Variants in TRIM33 observed in about 807,000 individuals in gnomAD.
The protein encoded by TRIM33 is tripartite motif containing 33.
A neutral mutation model predicts 125.4 loss-of-function variants in TRIM33; 20 were observed. The observed-to-expected ratio is 0.16, with a 90% CI of 0.11 to 0.23. The LOEUF is 0.23. TRIM33 is among the 10% of genes least tolerant of loss of function. TRIM33 has a pLI of 1.00. For missense variants in TRIM33, 920 were observed against 1,411.4 expected (o/e 0.65, Z 5.58); for synonymous variants, 564 against 513.9 (o/e 1.10, Z -1.32).
intron 11 of TRIM33, among the ~76,000 whole-genome samples, chr1:114,413,217 A>G (rs1463300764): frequency 1.3e-5 from 2 of 152,194 alleles, no homozygotes; most frequent in Admixed American, 6.5e-5. Flanking sequence ...ATGAAATGGA[A>G]TACCATATGG....
chr1:114,431,822 A>G (rs894741728), intron 5 of TRIM33, among the ~76,000 whole-genome samples: 1 of 152,162 alleles, frequency 6.6e-6, no homozygotes, highest in African/African-American at 2.4e-5. Flanking sequence ...TCCTTATCTT[A>G]CTAAGGTGAG....
intron 1 of TRIM33, among the ~76,000 whole-genome samples, chr1:114,494,158 C>T (rs749510487): frequency 2.6e-5 from 4 of 151,742 alleles, no homozygotes; most frequent in Non-Finnish European, 5.9e-5. Flanking sequence ...GACAGGGCCT[C>T]ACTATGTTGC....
At chr1:114,434,590 G>A (rs562327901) in intron 4 of TRIM33, among the ~76,000 whole-genome samples, 2 of 152,228 alleles carry the variant, frequency 1.3e-5, no homozygotes, top group East Asian at 3.9e-4. Context: ...TAGAATAATA[G>A]TTTTCTTTGC....
intron 1 of TRIM33, among the ~76,000 whole-genome samples, chr1:114,471,954 T>C (rs1224395180): frequency 6.6e-6 from 1 of 152,210 alleles, no homozygotes; most frequent in East Asian, 1.9e-4. Flanking sequence ...AAACCTGACC[T>C]GAACTGTCAT....
intron 6 of TRIM33, among the ~76,000 whole-genome samples, chr1:114,429,473 G>A (rs886356942): frequency 2.6e-5 from 4 of 152,080 alleles, no homozygotes; most frequent in South Asian, 2.1e-4. Flanking sequence ...TTACAGGCGT[G>A]AGCCACCGCA....
Position 114,510,867 on chromosome 1 carries a change from G to T in TRIM33, c.210C>A (p.Ala70=). ...AGPDDGGVAA[A]SSGSAQAASS... is the part of the protein sequence containing the mutation. Reference sequence around the variant, plus strand: ...AAGCAGCCTGGGCCGAGCCCGAGGAGGCCGCGGCCACCCCCCCGTCGTCGG... The same window carrying T: ...AAGCAGCCTGGGCCGAGCCCGAGGATGCCGCGGCCACCCCCCCGTCGTCGG... Residue 70 remains alanine, a synonymous_variant, in exon 1 of 20, where the codon GCC becomes GCA. Transcript: ENST00000358465. The T allele has an allele frequency of 6.8e-7, 1 of 1,465,178 alleles. No homozygotes were observed. The highest frequency in any genetic ancestry group is 2.5e-5 in the Admixed American group (1 of 40,752). 90.8% of individuals were successfully genotyped at this position (1,465,178 alleles called of 1,614,324 possible). A position where few individuals can be genotyped will look rare whatever the true frequency, so the allele number is the denominator to read the frequency against.
rs79542723 is a variant in TRIM33 at position 114,400,036 on chromosome 1, G to A, written c.2968-427C>T. ...TAACAGGGAATATCATTTACATCACGAAGTCTTGACTTAGTAACAGAGGAA... is the reference window on the plus strand; with the variant it reads ...TAACAGGGAATATCATTTACATCACAAAGTCTTGACTTAGTAACAGAGGAA... On this transcript the variant is annotated intron_variant, in intron 17 of 19. Coordinates refer to ENST00000358465, the MANE Select transcript of TRIM33 (RefSeq NM_015906.4). Among the ~76,000 whole-genome samples the A allele has an allele frequency of 5.3e-3, 798 of 151,980 alleles. 6 individuals are homozygous for A. Among genetic ancestry groups the A allele is most frequent in the African/African-American group, 0.018 (750 of 41,440 alleles).
chr1:114,393,946 A>G lies in TRIM33; in HGVS notation c.*3702T>C, dbSNP rs1347963499. The G allele has an allele frequency of 9.0e-6, 2 of 222,016 alleles. No individual in the cohort carries two copies. The highest frequency in any genetic ancestry group is 5.7e-5 in the Admixed American group (1 of 17,432). The allele number at this position is 222,016 out of a possible 1,614,324, so 13.8% of individuals were successfully genotyped here. ...ATCCAGGAGAGGATTCTGACATGCT[A>G]TTAGGCAACAGACTCAAAGCAGTGT... On this transcript the variant is annotated 3_prime_UTR_variant, in exon 20 of 20. Transcript: ENST00000358465.
At chr1:114,439,674 G>C (rs1478042456) in intron 4 of TRIM33, among the ~76,000 whole-genome samples, 1 of 151,830 alleles carries the variant, frequency 6.6e-6, no homozygotes, top group Admixed American at 6.6e-5. Flanking sequence ...CAAATTTGAT[G>C]ATCTATAGCT....
chr1:114,402,771 C>T lies in TRIM33; in HGVS notation c.2881G>A (p.Val961Met), dbSNP rs55688622. The T allele has an allele frequency of 3.9e-4, 623 of 1,612,966 alleles. 2 individuals are homozygous for T. The African/African-American group carries it at 7.6e-3, about 20-fold the overall frequency. The change falls in exon 16 of 20, where the codon GTG becomes ATG. Residue 961 changes from valine to methionine, a missense_variant. Physicochemically the swap from Val to Met is conservative, Grantham distance 21. Coordinates refer to ENST00000358465, the MANE Select transcript of TRIM33 (RefSeq NM_015906.4). ...KGKTAQGLSP[V>M]DQRKCERLLL... ...TATTTGACACTTACCCTTTGGTCCACGGGGCTTAACCCCTGCGCAGTTTTC... is the reference window on the plus strand; with the variant it reads ...TATTTGACACTTACCCTTTGGTCCATGGGGCTTAACCCCTGCGCAGTTTTC...
intron 14 of TRIM33, 107 bp from the exon 15 acceptor site, chr1:114,405,866 C>G: frequency 1.0e-6 from 1 of 981,854 alleles, no homozygotes. Flanking sequence ...ACTGACGTAA[C>G]AAATTTATTT....
chr1:114,501,597 C>A (rs1276055727), intron 1 of TRIM33, among the ~76,000 whole-genome samples: 1 of 152,088 alleles, frequency 6.6e-6, no homozygotes, highest in Admixed American at 6.5e-5. Flanking sequence ...AGCAACCATA[C>A]AACGGTGTGA....
rs1288146770 is a variant in TRIM33 at position 114,393,879 on chromosome 1, T to TA, written c.*3768dup. On this transcript the variant is annotated 3_prime_UTR_variant, in exon 20 of 20. Transcript: ENST00000358465. ...TTTAAATTTCTTAATTTTTAAAAGA[T>TA]AGACTGGGTGATATGCATACAAACT... 4.7e-6 allele frequency: 1 copy of TA among 214,808 alleles called. No homozygotes were observed. Among genetic ancestry groups the TA allele is most frequent in the African/African-American group, 2.3e-5 (1 of 44,266 alleles). 13.3% of individuals were successfully genotyped at this position (214,808 alleles called of 1,614,324 possible).
chr1:114,458,842 G>A (rs989451652), intron 4 of TRIM33, among the ~76,000 whole-genome samples: 1 of 151,986 alleles, frequency 6.6e-6, no homozygotes, highest in African/African-American at 2.4e-5. Context: ...TCAACTATAC[G>A]TTAGCAAAAT....
chr1:114,420,020 C>A (rs1447728189), intron 11 of TRIM33, among the ~76,000 whole-genome samples: 1 of 152,228 alleles, frequency 6.6e-6, no homozygotes, highest in African/African-American at 2.4e-5. Context: ...ACAACAGTTT[C>A]ATTGCTCCTT....
chr1:114,425,772 T>A, intron 8 of TRIM33, 49 bp from the exon 9 acceptor site: 1 of 1,356,180 alleles, frequency 7.4e-7, no homozygotes. Flanking sequence ...CTAAATCATC[T>A]ACTTTGTTGA....
At chr1:114,473,745 C>A (rs1247494641) in intron 1 of TRIM33, among the ~76,000 whole-genome samples, 1 of 151,838 alleles carries the variant, frequency 6.6e-6, no homozygotes, top group African/African-American at 2.4e-5. Context: ...AAGGAGGAAC[C>A]AATGAACAAC....
rs1647437127 is a variant in TRIM33, at chr1:114,424,645, T to C, written c.1806A>G (p.Ile602Met). 1 of 1,611,292 alleles carries C rather than the reference T, an allele frequency of 6.2e-7. No homozygotes were observed. The highest frequency in any genetic ancestry group is 8.5e-7 in the Non-Finnish European group (1 of 1,178,636). The change falls in exon 10 of 20, where the codon ATA (isoleucine) becomes ATG (methionine). Residue 602 changes from isoleucine (I) to methionine (M), a missense_variant. Physicochemically the swap from Ile to Met is conservative, Grantham distance 10. Around this residue, in one of 8 missense-constraint regions of TRIM33, gnomAD observed 407 missense variants for 589.7 expected, o/e 0.69. Coordinates refer to ENST00000358465, the MANE Select transcript of TRIM33 (RefSeq NM_015906.4). The stretch of plus-strand genomic sequence containing the variant: ...AATATTGAGGGCCGCTGTGCCTGGG[T>C]ATCCCTGGTATTCTGGCAGCATTCT... ...LAQNAARIPG[I>M]PRHSGPQYSM... is the part of the protein sequence containing the mutation.
chr1:114,469,822 T>A (rs1325173052), intron 1 of TRIM33, among the ~76,000 whole-genome samples: 1 of 151,998 alleles, frequency 6.6e-6, no homozygotes, highest in Admixed American at 6.6e-5. Flanking sequence ...AAATGACCTG[T>A]CAATAGAGGG....
Sources: gnomAD v4.1 joint callset for allele counts (sites outside exome capture counted in the v4.1 genomes callset) on GRCh38, gnomAD v4.1.1 for gene constraint, gnomAD v4.1.1 regional missense constraint, MANE v1.5 for transcripts, NCBI Gene and HGNC (gene_info 2026-07-23, HGNC 2026-07-21) for gene names.